CDH18: variants seen among roughly 807,000 people sequenced by gnomAD.
CDH18 encodes the protein cadherin 18.
CDH18 carries 31 observed loss-of-function variants against 67.9 expected under a neutral mutation model. The ratio of observed to expected loss-of-function variants is 0.46; its 90% CI spans 0.34 to 0.62. CDH18 has a LOEUF of 0.62. Ranked by LOEUF, CDH18 falls within the 20% of genes least tolerant of loss-of-function variation. CDH18 has a pLI of 0.01. For synonymous variants in CDH18, 362 were observed against 347.2 expected (o/e 1.04, Z -0.48); for missense variants, 890 against 975.5 (o/e 0.91, Z 1.17).
chr5:20,017,426 T>C (rs957286054), intron 2 of CDH18, among the ~76,000 whole-genome samples: 3 of 152,194 alleles, frequency 2.0e-5, no homozygotes, highest in Non-Finnish European at 2.9e-5. Flanking sequence ...ATGAGTAGTA[T>C]TGGGCTAATG....
chr5:19,823,046 C>T (rs1382152044), intron 3 of CDH18, among the ~76,000 whole-genome samples: 1 of 152,158 alleles, frequency 6.6e-6, no homozygotes, highest in Non-Finnish European at 1.5e-5. Context: ...ATTTGCTTTT[C>T]AAAGAAGAGA....
chr5:20,442,663 G>A (rs2150193144), intron 1 of CDH18, among the ~76,000 whole-genome samples: 1 of 151,942 alleles, frequency 6.6e-6, no homozygotes, highest in African/African-American at 2.4e-5. Flanking sequence ...ACTAAACTAA[G>A]CCAAAAGCAC....
chr5:20,119,098 G>A (rs1004678074), intron 2 of CDH18, among the ~76,000 whole-genome samples: 61 of 152,112 alleles, frequency 4.0e-4, no homozygotes, highest in African/African-American at 1.3e-3. Flanking sequence ...ATCAATGCAT[G>A]TGACTTCCCA....
intron 1 of CDH18, among the ~76,000 whole-genome samples, chr5:20,417,849 T>C (rs186437320): frequency 3.0e-4 from 46 of 152,282 alleles, no homozygotes; most frequent in Admixed American, 6.5e-4. Flanking sequence ...AAAGTTTCCA[T>C]TCTCCCAAAT....
At chr5:19,750,896 T>C (rs1770754600) in intron 3 of CDH18, among the ~76,000 whole-genome samples, 1 of 151,848 alleles carries the variant, frequency 6.6e-6, no homozygotes, top group Admixed American at 6.6e-5. Context: ...TGCTGAAAGA[T>C]AGACATTATA....
intron 2 of CDH18, among the ~76,000 whole-genome samples, chr5:20,139,401 C>T (rs1351643491): frequency 4.6e-5 from 7 of 152,082 alleles, no homozygotes; most frequent in Admixed American, 4.6e-4. Flanking sequence ...AGGACATAGG[C>T]ATGGGCAAGG....
chr5:19,970,220 T>C (rs1797891779), intron 2 of CDH18, among the ~76,000 whole-genome samples: 1 of 151,260 alleles, frequency 6.6e-6, no homozygotes. Flanking sequence ...GAATAAATTA[T>C]AATAAATTAT....
At chr5:19,875,629 C>T (rs190671303) in intron 2 of CDH18, among the ~76,000 whole-genome samples, 3 of 151,946 alleles carry the variant, frequency 2.0e-5, no homozygotes, top group Non-Finnish European at 4.4e-5. Flanking sequence ...TATACATACA[C>T]ATAAAATCAT....
chr5:20,013,352 CTT>C (rs1409238041), intron 2 of CDH18, among the ~76,000 whole-genome samples: 1 of 152,000 alleles, frequency 6.6e-6, no homozygotes, highest in Non-Finnish European at 1.5e-5. Flanking sequence ...TTAATATACT[CTT>C]TCTGTACTTT....
At chr5:19,529,930 T>G (rs945383721) in intron 9 of CDH18, among the ~76,000 whole-genome samples, 5 of 152,150 alleles carry the variant, frequency 3.3e-5, no homozygotes, top group African/African-American at 4.8e-5. Context: ...TTGAATAATT[T>G]GATAAGCTGA....
intron 5 of CDH18, among the ~76,000 whole-genome samples, chr5:19,718,685 T>C (rs971793777): frequency 1.3e-4 from 19 of 151,986 alleles, no homozygotes; most frequent in African/African-American, 4.3e-4. Context: ...CTTAATGACC[T>C]AGTAGGACAG....
At chr5:20,311,238 C>T (rs1215687517) in intron 1 of CDH18, among the ~76,000 whole-genome samples, 6 of 152,106 alleles carry the variant, frequency 3.9e-5, no homozygotes, top group Non-Finnish European at 7.4e-5. Context: ...GACAGTGTGG[C>T]GATTTCTCCA....
chr5:20,228,003 A>T lies in CDH18; in HGVS notation c.-518+27441T>A, dbSNP rs192170268. Among the ~76,000 whole-genome samples the T allele has an allele frequency of 5.3e-5, 8 of 152,240 alleles. No individual in the cohort carries two copies. The East Asian group carries it at 9.7e-4, about 18-fold the overall frequency. On this transcript the variant is annotated intron_variant, in intron 2 of 14. Transcript: ENST00000507958. ...CATTGCCTTTTGAAGATCATCAAAT[A>T]ATTTATTTATGTTAAATCCAATGTT...
Position 20,144,707 on chromosome 5 carries a change from C to A in CDH18, c.-518+110737G>T, listed in dbSNP as rs77933041. Among the ~76,000 whole-genome samples, 896 of 152,076 alleles carry A rather than the reference C, an allele frequency of 5.9e-3. 28 individuals carry two copies. In the East Asian group the frequency reaches 0.087, roughly 15 times the overall value. On this transcript the variant is annotated intron_variant, in intron 2 of 14. Coordinates refer to the CDH18 transcript ENST00000507958. ...TTATATTGGATTGAATTCTGTCCCG[C>A]AAAAATGTATGGATTAAAGTCAACG...
intron 1 of CDH18, among the ~76,000 whole-genome samples, chr5:19,985,946 G>C (rs1799518863): frequency 6.6e-6 from 1 of 152,138 alleles, no homozygotes; most frequent in African/African-American, 2.4e-5. Context: ...GTTAAGTCAG[G>C]TTGCAGATAC....
At chr5:20,177,189 CAT>C (rs1737301669) in intron 2 of CDH18, among the ~76,000 whole-genome samples, 1 of 152,014 alleles carries the variant, frequency 6.6e-6, no homozygotes. Context: ...TTTGCTGAAA[CAT>C]ATTAAAAATG....
chr5:20,117,455 C>A (rs542279470), intron 2 of CDH18, among the ~76,000 whole-genome samples: 54 of 152,184 alleles, frequency 3.5e-4, no homozygotes, highest in African/African-American at 1.2e-3. Flanking sequence ...TTTACTTGTG[C>A]CAGTCAAATC....
chr5:20,126,881 T>C (rs1200266009), intron 2 of CDH18, among the ~76,000 whole-genome samples: 5 of 152,192 alleles, frequency 3.3e-5, no homozygotes, highest in Non-Finnish European at 7.4e-5. Context: ...TGGTACATGA[T>C]GAAAACAATA....
intron 1 of CDH18, among the ~76,000 whole-genome samples, chr5:20,564,260 T>TTTTA (rs3039398): frequency 0.042 from 5,910 of 141,580 alleles, 234 homozygotes; most frequent in African/African-American, 0.095. Flanking sequence ...ATTATCACAG[T>TTTTA]TTTATTTATT....
Sources: allele counts gnomAD v4.1 joint callset (sites outside exome capture counted in the v4.1 genomes callset), GRCh38; gene constraint gnomAD v4.1.1; transcripts MANE v1.5; gene names NCBI Gene and HGNC (gene_info 2026-07-23, HGNC 2026-07-21).